FOXP2: variants seen among roughly 807,000 people sequenced by gnomAD.
FOXP2 encodes forkhead box P2.
FOXP2 carries 12 observed loss-of-function variants against 115.8 expected under a neutral mutation model. The observed-to-expected ratio is 0.10, with a 90% CI of 0.07 to 0.17. The LOEUF (loss-of-function observed/expected upper bound fraction) is 0.17. Among genes scored for constraint, FOXP2 ranks in the 10% least tolerant of loss-of-function variants. The probability of loss-of-function intolerance (pLI) is 1.00; values close to 1 mark genes in which losing one functional copy is unlikely to be tolerated. For missense variants in FOXP2, 629 were observed against 843.5 expected (o/e 0.75, Z 3.15); for synonymous variants, 328 against 297.7 (o/e 1.10, Z -1.05).
chr7:114,464,495 T>A (rs1162601995), intron 2 of FOXP2, among the ~76,000 whole-genome samples: 1 of 152,238 alleles, frequency 6.6e-6, no homozygotes, highest in Non-Finnish European at 1.5e-5. Flanking sequence ...TTTCCCATGA[T>A]AGCCCAAATA....
At position 114,415,342 on chromosome 7, in the gene FOXP2, T is replaced by G. The variant is rs1562911879; in HGVS notation, c.-29T>G. ...ATGAAGTTGAAACCGGGAAGTTTGC[T>G]CTAACATTTCCAGAGAAGGTACGTT... On this transcript the variant is annotated 5_prime_UTR_variant, in exon 1 of 17. Transcript: ENST00000350908. The G allele has an allele frequency of 2.2e-6, 1 of 451,800 alleles. No homozygotes were observed. The highest frequency in any genetic ancestry group is 4.4e-6 in the Non-Finnish European group (1 of 226,116). The allele number at this position is 451,800 out of a possible 1,614,324, so 28.0% of individuals were successfully genotyped here. A position where few individuals can be genotyped will look rare whatever the true frequency, so the allele number is the denominator to read the frequency against.
At chr7:114,672,189 C>G (rs182740481) in intron 16 of FOXP2, among the ~76,000 whole-genome samples, 50 of 152,244 alleles carry the variant, frequency 3.3e-4, no homozygotes, top group African/African-American at 1.2e-3. Context: ...ACAATGTTAT[C>G]TTACTATAAA....
At chr7:114,383,667 C>A (rs941113145) in intron 2 of FOXP2, among the ~76,000 whole-genome samples, 1 of 152,114 alleles carries the variant, frequency 6.6e-6, no homozygotes, top group Non-Finnish European at 1.5e-5. Flanking sequence ...AAGAGGATAT[C>A]GTGGCCAGGC....
chr7:114,612,648 G>A (rs1054208499), intron 3 of FOXP2, among the ~76,000 whole-genome samples: 2 of 152,084 alleles, frequency 1.3e-5, no homozygotes, highest in African/African-American at 2.4e-5. Flanking sequence ...AGAATACAGG[G>A]CTTGATACAC....
intron 1 of FOXP2, among the ~76,000 whole-genome samples, chr7:114,273,949 C>G (rs1326583734): frequency 6.6e-6 from 1 of 152,048 alleles, no homozygotes; most frequent in Admixed American, 6.5e-5. Flanking sequence ...GGAGTAATAT[C>G]TACCATATTT....
At chr7:114,452,426 T>A (rs1795112971) in intron 2 of FOXP2, among the ~76,000 whole-genome samples, 1 of 152,046 alleles carries the variant, frequency 6.6e-6, no homozygotes, top group Admixed American at 6.6e-5. Context: ...CATTTGTAAA[T>A]GCTATTTCTG....
intron 2 of FOXP2, among the ~76,000 whole-genome samples, chr7:114,430,353 T>G (rs184160207): frequency 6.6e-6 from 1 of 151,828 alleles, no homozygotes; most frequent in Admixed American, 6.6e-5. Context: ...CTTTTAGAAA[T>G]TAATATTTAA....
At chr7:114,343,214 A>G (rs968807894) in intron 2 of FOXP2, among the ~76,000 whole-genome samples, 7 of 151,602 alleles carry the variant, frequency 4.6e-5, no homozygotes, top group African/African-American at 1.7e-4. Context: ...CCCTCCCTAC[A>G]TCTTCTACAT....
At chr7:114,190,374 A>T (rs1049532439) in intron 1 of FOXP2, among the ~76,000 whole-genome samples, 20 of 152,132 alleles carry the variant, frequency 1.3e-4, no homozygotes, top group African/African-American at 4.8e-4. Context: ...GGAAGGATAA[A>T]TTTTCTCTCT....
intron 3 of FOXP2, among the ~76,000 whole-genome samples, chr7:114,549,400 C>A (rs1043468316): frequency 1.4e-4 from 21 of 152,186 alleles, no homozygotes; most frequent in African/African-American, 4.8e-4. Context: ...CTTGGGAATT[C>A]TTGGTTTGGG....
At chr7:114,249,739 A>T (rs552172432) in intron 1 of FOXP2, among the ~76,000 whole-genome samples, 3 of 151,778 alleles carry the variant, frequency 2.0e-5, no homozygotes, top group East Asian at 3.9e-4. Context: ...CAGTAATGAG[A>T]TTGCTGGGTC....
intron 6 of FOXP2, 23 bp downstream of exon 6, chr7:114,631,728 T>G: frequency 6.2e-7 from 1 of 1,611,600 alleles, no homozygotes; most frequent in Non-Finnish European, 8.5e-7. Context: ...TGTTGTGCAC[T>G]CTTCATTTCA....
chr7:114,519,669 G>C (rs1298801398), intron 2 of FOXP2, among the ~76,000 whole-genome samples: 1 of 152,112 alleles, frequency 6.6e-6, no homozygotes, highest in East Asian at 1.9e-4. Flanking sequence ...GAGAAACTAT[G>C]CAGTTCTTAA....
At chr7:114,176,484 C>T (rs1051972607) in intron 1 of FOXP2, among the ~76,000 whole-genome samples, 7 of 151,596 alleles carry the variant, frequency 4.6e-5, no homozygotes, top group South Asian at 2.1e-4. Context: ...GGACTACAGG[C>T]GCGCACCACC....
chr7:114,615,671 C>T (rs1474813757), intron 3 of FOXP2, among the ~76,000 whole-genome samples: 2 of 152,164 alleles, frequency 1.3e-5, no homozygotes, highest in Non-Finnish European at 2.9e-5. Flanking sequence ...CTTTCTGCTA[C>T]TGCTATTAAT....
Position 114,692,301 on chromosome 7 carries a change from A to C in FOXP2, c.*2375A>C. 2.2e-6 allele frequency: 1 copy of C among 454,052 alleles called. No homozygotes were observed. Among genetic ancestry groups the C allele is most frequent in the Non-Finnish European group, 4.4e-6 (1 of 226,742 alleles). The allele number at this position is 454,052 out of a possible 1,614,324, so 28.1% of individuals were successfully genotyped here. On this transcript the variant is annotated 3_prime_UTR_variant, in exon 17 of 17. Transcript: ENST00000350908. Reference sequence around the variant, plus strand: ...ACTTTTGAAAGGAAGTCTCAGCCACAGAATGCATATACCTGTAGAGTTTTG... The same window carrying C: ...ACTTTTGAAAGGAAGTCTCAGCCACCGAATGCATATACCTGTAGAGTTTTG...
At chr7:114,096,555 AT>A (rs1257470355) in intron 1 of FOXP2, among the ~76,000 whole-genome samples, 1 of 152,162 alleles carries the variant, frequency 6.6e-6, no homozygotes, top group Non-Finnish European at 1.5e-5. Flanking sequence ...TTGGTATTAG[AT>A]TTTTACATCT....
Position 114,530,858 on chromosome 7 carries a change from G to GA in FOXP2, c.169-3753dup, listed in dbSNP as rs202245181. 5.7e-3 allele frequency among the ~76,000 whole-genome samples: 865 copies of GA among 151,864 alleles called. 6 individuals carry two copies. The highest frequency in any genetic ancestry group is 0.019 in the African/African-American group (802 of 41,490). On this transcript the variant is annotated intron_variant, in intron 2 of 16. Coordinates refer to ENST00000350908, the MANE Select transcript of FOXP2 (RefSeq NM_014491.4). ...TGATGTTTTCAGTAAGTATTTTAGA[G>GA]AAAAAATGCACTCAATTATGAAAAA...
chr7:114,231,027 A>C (rs1794862124), intron 1 of FOXP2, among the ~76,000 whole-genome samples: 1 of 151,600 alleles, frequency 6.6e-6, no homozygotes, highest in Admixed American at 6.6e-5. Flanking sequence ...AGAAGCAATA[A>C]ATGAATTCAG....
Sources: allele counts gnomAD v4.1 joint callset (sites outside exome capture counted in the v4.1 genomes callset), GRCh38; gene constraint gnomAD v4.1.1; transcripts MANE v1.5; gene names NCBI Gene and HGNC (gene_info 2026-07-23, HGNC 2026-07-21).